The following MGLL variants were observed in gnomAD, a reference collection of about 807,000 sequenced individuals.
MGLL encodes lysophospholipase homolog.
A neutral mutation model predicts 29.1 loss-of-function variants in MGLL; 7 were observed. The observed-to-expected ratio is 0.24, with a 90% CI of 0.14 to 0.45. The LOEUF (loss-of-function observed/expected upper bound fraction) is 0.45, where lower values mean the gene tolerates loss of function less well. Among genes scored for constraint, MGLL ranks in the 20% least tolerant of loss-of-function variants. MGLL has a pLI of 0.99. For missense variants in MGLL, 356 were observed against 413.6 expected (o/e 0.86, Z 1.21); for synonymous variants, 148 against 168.3 (o/e 0.88, Z 0.93).
chr3:127,746,638 G>A lies in MGLL; in HGVS notation c.263-24072C>T, dbSNP rs73859602. Among the ~76,000 whole-genome samples, 789 of 152,222 alleles carry A rather than the reference G, an allele frequency of 5.2e-3. 7 individuals are homozygous for A. The highest frequency in any genetic ancestry group is 0.017 in the African/African-American group (724 of 41,510). Reference sequence around the variant, plus strand: ...CTCTAGCTGCACCCCCTGTCTTTGTGGGGGTAGAACTGCAGGTTCACATTC... The same window carrying A: ...CTCTAGCTGCACCCCCTGTCTTTGTAGGGGTAGAACTGCAGGTTCACATTC... On this transcript the variant is annotated intron_variant, in intron 3 of 7. Coordinates refer to ENST00000265052, the MANE Select transcript of MGLL (RefSeq NM_007283.7).
At chr3:127,748,097 T>C (rs568950882) in intron 3 of MGLL, among the ~76,000 whole-genome samples, 1 of 152,276 alleles carries the variant, frequency 6.6e-6, no homozygotes, top group East Asian at 1.9e-4. Context: ...AGGACAAGTG[T>C]TGAAAGTAAT....
In MGLL at chr3:127,692,130, G is replaced by A. The variant is rs549202397; in HGVS notation, c.*68C>T. The A allele has an allele frequency of 5.5e-6, 4 of 720,944 alleles. No individual in the cohort carries two copies. The highest frequency in any genetic ancestry group is 5.2e-5 in the Admixed American group (2 of 38,622). 44.7% of individuals were successfully genotyped at this position (720,944 alleles called of 1,614,324 possible). ...TTTTTTTTTTTGGCAAGCCATATCT[G>A]AGAAGCCATCTCTGCCCTTCCCCTG... On this transcript the variant is annotated 3_prime_UTR_variant, in exon 8 of 8. Transcript: ENST00000265052.
At chr3:127,805,298 G>T (rs1303810291) in intron 2 of MGLL, among the ~76,000 whole-genome samples, 1 of 152,210 alleles carries the variant, frequency 6.6e-6, no homozygotes, top group African/African-American at 2.4e-5. Flanking sequence ...GAATGCGGGA[G>T]AGGTGAGACG....
chr3:127,816,402 C>T (rs1047960839), intron 2 of MGLL, among the ~76,000 whole-genome samples: 2 of 152,176 alleles, frequency 1.3e-5, no homozygotes, highest in African/African-American at 4.8e-5. Flanking sequence ...GCCAGTCCCA[C>T]CTTTGAGGAC....
chr3:127,715,473 C>T (rs1188260335), intron 5 of MGLL: 1 of 346,114 alleles, frequency 2.9e-6, no homozygotes, highest in Non-Finnish European at 5.7e-6. Context: ...ATAAAAGCCC[C>T]AAGAAAGAGG....
intron 3 of MGLL, among the ~76,000 whole-genome samples, chr3:127,756,156 G>C (rs2076660406): frequency 6.6e-6 from 1 of 152,214 alleles, no homozygotes; most frequent in Non-Finnish European, 1.5e-5. Context: ...GAAGCTAGGT[G>C]CTCTAAGGGT....
At chr3:127,718,127 T>TG (rs1289127612) in intron 5 of MGLL, among the ~76,000 whole-genome samples, 1 of 139,172 alleles carries the variant, frequency 7.2e-6, no homozygotes, top group Non-Finnish European at 1.6e-5. Flanking sequence ...TTTAGGAGGG[T>TG]GGGGGTGATC....
At chr3:127,794,640 T>G (rs151184783) in intron 2 of MGLL, among the ~76,000 whole-genome samples, 1 of 152,352 alleles carries the variant, frequency 6.6e-6, no homozygotes, top group East Asian at 1.9e-4. Flanking sequence ...CTGTCTTCTA[T>G]GATGTCAAAC....
intron 2 of MGLL, among the ~76,000 whole-genome samples, chr3:127,818,285 T>C (rs9835873): frequency 1 from 152,363 of 152,384 alleles, 76,171 homozygotes; most frequent in Non-Finnish European, 1. Flanking sequence ...TTCCAGCATG[T>C]TGAATTGGAT....
intron 3 of MGLL, among the ~76,000 whole-genome samples, chr3:127,726,139 A>G (rs1438081317): frequency 8.0e-5 from 2 of 25,142 alleles, no homozygotes; most frequent in East Asian, 7.6e-4. Flanking sequence ...AAAGAAAGAA[A>G]GAAAGAAAGA....
At chr3:127,765,800 A>T (rs1010429449) in intron 3 of MGLL, among the ~76,000 whole-genome samples, 8 of 152,342 alleles carry the variant, frequency 5.3e-5, no homozygotes, top group Middle Eastern at 3.4e-3. Flanking sequence ...GGAAGCATGA[A>T]CAACTTTCTA....
chr3:127,795,606 C>T (rs1237193121), intron 2 of MGLL, among the ~76,000 whole-genome samples: 1 of 152,050 alleles, frequency 6.6e-6, no homozygotes, highest in Non-Finnish European at 1.5e-5. Flanking sequence ...CTGTCCAGAC[C>T]TTTCAGCCCA....
At chr3:127,732,148 T>C (rs1384346103) in intron 3 of MGLL, among the ~76,000 whole-genome samples, 3 of 152,212 alleles carry the variant, frequency 2.0e-5, no homozygotes, top group African/African-American at 7.2e-5. Flanking sequence ...ATTCATTTTC[T>C]TACAGAAGAA....
intron 2 of MGLL, among the ~76,000 whole-genome samples, chr3:127,807,315 A>T (rs1296184768): frequency 6.6e-6 from 1 of 152,144 alleles, no homozygotes; most frequent in Non-Finnish European, 1.5e-5. Flanking sequence ...TGGTAGTAAC[A>T]TCACCTCTTC....
intron 2 of MGLL, among the ~76,000 whole-genome samples, chr3:127,805,664 A>G (rs1448769523): frequency 1.3e-5 from 2 of 152,234 alleles, no homozygotes; most frequent in Non-Finnish European, 2.9e-5. Flanking sequence ...TACGAGGCAT[A>G]GCTAGGTGCT....
intron 6 of MGLL, among the ~76,000 whole-genome samples, chr3:127,706,318 G>A (rs1576480906): frequency 6.6e-6 from 1 of 152,116 alleles, no homozygotes; most frequent in East Asian, 1.9e-4. Flanking sequence ...AAGCTCAGTT[G>A]GGCCTGCTGG....
chr3:127,710,830 T>A, intron 5 of MGLL, 165 bp from the exon 6 acceptor site: 1 of 679,494 alleles, frequency 1.5e-6, no homozygotes, highest in Non-Finnish European at 2.7e-6. Flanking sequence ...CCAAGGACTC[T>A]CCCTTCTGAC....
chr3:127,747,505 A>T (rs1220988850), intron 3 of MGLL, among the ~76,000 whole-genome samples: 1 of 152,190 alleles, frequency 6.6e-6, no homozygotes, highest in East Asian at 1.9e-4. Flanking sequence ...CCTAGAAAGT[A>T]CCAGGCCCAC....
intron 3 of MGLL, among the ~76,000 whole-genome samples, chr3:127,757,236 A>C (rs2076680738): frequency 6.6e-6 from 1 of 152,228 alleles, no homozygotes; most frequent in Non-Finnish European, 1.5e-5. Context: ...AGCCAAGCCC[A>C]GCCTAAAACA....
Sources: allele counts gnomAD v4.1 joint callset (sites outside exome capture counted in the v4.1 genomes callset), GRCh38; gene constraint gnomAD v4.1.1; transcripts MANE v1.5; gene names NCBI Gene and HGNC (gene_info 2026-07-23, HGNC 2026-07-21).